The following ATXN1 variants were observed in gnomAD, a reference collection of about 807,000 sequenced individuals.
The protein encoded by ATXN1 is ataxin-1.
Under a neutral mutation model 56.4 loss-of-function variants are expected in ATXN1, and 8 were observed. The ratio of observed to expected loss-of-function variants is 0.14; its 90% CI spans 0.08 to 0.26. ATXN1 has a LOEUF of 0.26. Ranked by LOEUF, ATXN1 falls within the 10% of genes least tolerant of loss-of-function variation. The probability of loss-of-function intolerance (pLI) is 1.00; values close to 1 mark genes in which losing one functional copy is unlikely to be tolerated. For synonymous variants in ATXN1, 514 were observed against 494.6 expected, an observed-to-expected ratio of 1.04 and a Z score of -0.52; for missense variants, 987 against 1,106.5, an observed-to-expected ratio of 0.89 and a Z score of 1.53.
intron 6 of ATXN1, among the ~76,000 whole-genome samples, chr6:16,445,368 A>G (rs899538520): frequency 6.6e-6 from 1 of 152,236 alleles, no homozygotes; most frequent in Non-Finnish European, 1.5e-5. Flanking sequence ...TCCAGGGAAT[A>G]CTGTTATTTG....
At chr6:16,616,424 C>G (rs1763209893) in intron 3 of ATXN1, among the ~76,000 whole-genome samples, 3 of 151,518 alleles carry the variant, frequency 2.0e-5, no homozygotes. Context: ...CCTGTAATCC[C>G]AGATACTTGG....
At position 16,327,897 on chromosome 6, in the gene ATXN1, G is replaced by T. The variant is rs1407800087; in HGVS notation, c.414C>A (p.Thr138=). The part of the protein sequence containing the change: ...QFIGSSQYSG[T]YASFIPSQLI... Reference sequence around the variant, plus strand: ...GCTGTGATGGGATGAAGCTGGCATAGGTTCCACTGTATTGGGAGGACCCAA... The same window carrying T: ...GCTGTGATGGGATGAAGCTGGCATATGTTCCACTGTATTGGGAGGACCCAA... Residue 138 remains threonine (T), a synonymous_variant, in exon 7 of 8, where the codon ACC becomes ACA. Transcript: ENST00000436367. 2 of 1,608,296 alleles carry T rather than the reference G, an allele frequency of 1.2e-6. No homozygotes were observed. The highest frequency in any genetic ancestry group is 1.7e-6 in the Non-Finnish European group (2 of 1,179,934).
rs556053135 is a variant in ATXN1, at chr6:16,381,143, C to G, written c.-160-52673G>C. Among the ~76,000 whole-genome samples the G allele has an allele frequency of 2.0e-5, 3 of 152,262 alleles. No homozygotes were observed. In the East Asian group the frequency reaches 5.8e-4, roughly 29 times the overall value. On this transcript the variant is annotated intron_variant, in intron 6 of 7. Coordinates refer to ENST00000436367, the MANE Select transcript of ATXN1 (RefSeq NM_001128164.2). Reference sequence around the variant, plus strand: ...TGTCTCTACTATTACAAAAATTAGCCTGGCGTGGTGGCGGGCGCCTATAAT... The same window carrying G: ...TGTCTCTACTATTACAAAAATTAGCGTGGCGTGGTGGCGGGCGCCTATAAT...
chr6:16,552,467 G>A (rs966568205), intron 4 of ATXN1, among the ~76,000 whole-genome samples: 1 of 152,186 alleles, frequency 6.6e-6, no homozygotes, highest in African/African-American at 2.4e-5. Flanking sequence ...GAGAGAAGAC[G>A]AAGCAGCACC....
intron 5 of ATXN1, among the ~76,000 whole-genome samples, chr6:16,519,695 C>G (rs1164492012): frequency 1.3e-5 from 2 of 152,310 alleles, no homozygotes; most frequent in Middle Eastern, 3.4e-3. Flanking sequence ...CGCTGTGCCA[C>G]ACACAGGGAG....
chr6:16,719,673 C>T (rs559946335), intron 2 of ATXN1, among the ~76,000 whole-genome samples: 1 of 152,290 alleles, frequency 6.6e-6, no homozygotes, highest in East Asian at 1.9e-4. Context: ...CCTTTTCCAG[C>T]CCCTGACATA....
At chr6:16,647,722 T>C (rs777602651) in intron 3 of ATXN1, among the ~76,000 whole-genome samples, 5 of 152,220 alleles carry the variant, frequency 3.3e-5, no homozygotes, top group Admixed American at 6.5e-5. Context: ...ACAATATATA[T>C]GTATATCAAA....
chr6:16,628,838 TACC>T (rs1763453776), intron 3 of ATXN1, among the ~76,000 whole-genome samples: 1 of 152,248 alleles, frequency 6.6e-6, no homozygotes, highest in Non-Finnish European at 1.5e-5. Flanking sequence ...TGGTAATATG[TACC>T]ACATTTTTTT....
chr6:16,581,943 T>G (rs998856586), intron 4 of ATXN1, among the ~76,000 whole-genome samples: 2 of 152,204 alleles, frequency 1.3e-5, no homozygotes, highest in African/African-American at 2.4e-5. Flanking sequence ...CTTAAGGATA[T>G]GGATTGTCAA....
chr6:16,444,335 T>A (rs1057232684), intron 6 of ATXN1, among the ~76,000 whole-genome samples: 1 of 151,958 alleles, frequency 6.6e-6, no homozygotes, highest in South Asian at 2.1e-4. Flanking sequence ...AGGCAAGAAA[T>A]GTACAAGATG....
At chr6:16,566,362 A>G (rs1762216925) in intron 4 of ATXN1, among the ~76,000 whole-genome samples, 7 of 151,986 alleles carry the variant, frequency 4.6e-5, no homozygotes, top group Admixed American at 4.6e-4. Flanking sequence ...GATCCCCTTA[A>G]TTAATAATTT....
At chr6:16,548,594 A>G (rs951163163) in intron 4 of ATXN1, among the ~76,000 whole-genome samples, 5 of 152,002 alleles carry the variant, frequency 3.3e-5, no homozygotes, top group African/African-American at 9.7e-5. Flanking sequence ...ACATTTTTCT[A>G]TTTTCATTTT....
At chr6:16,337,651 T>G (rs775440027) in intron 6 of ATXN1, among the ~76,000 whole-genome samples, 3 of 152,226 alleles carry the variant, frequency 2.0e-5, no homozygotes, top group Non-Finnish European at 2.9e-5. Flanking sequence ...AGCAAATACT[T>G]TTTTGCTTTA....
intron 4 of ATXN1, among the ~76,000 whole-genome samples, chr6:16,523,400 G>T (rs532668595): frequency 3.7e-4 from 57 of 152,166 alleles, no homozygotes; most frequent in Non-Finnish European, 6.9e-4. Flanking sequence ...TTCAGTGACC[G>T]TGGATGGGGA....
intron 4 of ATXN1, among the ~76,000 whole-genome samples, chr6:16,561,494 A>G (rs1338078543): frequency 6.6e-6 from 1 of 152,218 alleles, no homozygotes; most frequent in African/African-American, 2.4e-5. Flanking sequence ...CACTCCTTTC[A>G]TTTAGCAAAC....
At chr6:16,612,657 G>T (rs1763130636) in intron 3 of ATXN1, among the ~76,000 whole-genome samples, 1 of 152,104 alleles carries the variant, frequency 6.6e-6, no homozygotes, top group Non-Finnish European at 1.5e-5. Flanking sequence ...ACTTTGGGAG[G>T]TCGGGCAGGC....
chr6:16,663,265 G>A (rs6915093), intron 2 of ATXN1, among the ~76,000 whole-genome samples: 44,378 of 151,914 alleles, frequency 0.29, 6,905 homozygotes, highest in East Asian at 0.54. Flanking sequence ...CACCGTGCCC[G>A]GCTGGATTTT....
At chr6:16,569,735 C>T (rs1032674923) in intron 4 of ATXN1, among the ~76,000 whole-genome samples, 3 of 152,116 alleles carry the variant, frequency 2.0e-5, no homozygotes, top group East Asian at 1.9e-4. Flanking sequence ...TACTCCTTGA[C>T]ATACAGGCTG....
At chr6:16,626,340 C>A (rs1211029754) in intron 3 of ATXN1, among the ~76,000 whole-genome samples, 3 of 152,134 alleles carry the variant, frequency 2.0e-5, no homozygotes, top group African/African-American at 7.2e-5. Context: ...GGCTGGAGTG[C>A]AGTGGTGCAT....
Sources: gnomAD v4.1 joint callset for allele counts (sites outside exome capture counted in the v4.1 genomes callset) on GRCh38, gnomAD v4.1.1 for gene constraint, MANE v1.5 for transcripts, NCBI Gene and HGNC (gene_info 2026-07-23, HGNC 2026-07-21) for gene names.